The following CACNA1F variants were observed in gnomAD, a reference collection of about 807,000 sequenced individuals.
CACNA1F encodes voltage-dependent L-type calcium channel subunit alpha-1F.
CACNA1F carries 59 observed loss-of-function variants against 143.8 expected under a neutral mutation model. That is an observed-to-expected ratio of 0.41 (90% CI 0.33 to 0.51). CACNA1F has a LOEUF of 0.51. Ranked by LOEUF, CACNA1F falls within the 20% of genes least tolerant of loss-of-function variation. The pLI, the probability that CACNA1F is intolerant of heterozygous loss-of-function variation, is 0.22. For missense variants in CACNA1F, 1,411 were observed against 1,647.5 expected (o/e 0.86, Z 2.48); for synonymous variants, 643 against 649.1 (o/e 0.99, Z 0.14).
At chrX:49,205,474 GA>G in intron 47 of CACNA1F, 107 bp from the exon 48 acceptor site, 1 of 831,678 alleles carries the variant, frequency 1.2e-6, no homozygotes. Flanking sequence ...GTCAGTGGGG[GA>G]CAGGGGTGAG....
intron 14 of CACNA1F, among the ~76,000 whole-genome samples, chrX:49,223,503 G>A (rs1235618158): frequency 1.0e-5 from 1 of 99,654 alleles, no homozygotes; most frequent in African/African-American, 3.7e-5. Flanking sequence ...GGAGGCTGAG[G>A]CAGAAGAATG....
rs781971954 is a variant in CACNA1F, at chrX:49,213,868, G to A, written c.3743C>T (p.Ala1248Val). The A allele has an allele frequency of 4.2e-6, 5 of 1,203,936 alleles. No homozygotes were observed. The Admixed American group carries it at 1.1e-4, about 26-fold the overall frequency. Residue 1248 changes from alanine (A) to valine (V), a missense_variant, in exon 31 of 48, where the codon GCT becomes GTT. Around this residue, in one of 3 missense-constraint regions of CACNA1F, gnomAD observed 950 missense variants for 1,128.1 expected, o/e 0.84. Coordinates refer to ENST00000323022, the MANE Select transcript of CACNA1F (RefSeq NM_001256789.3). The stretch of plus-strand genomic sequence containing the variant: ...CACTATGCTGCCCACCACAATAAGA[G>A]CGTCAAACGTGTTCCAGGCATCAGT... ...YFTDAWNTFD[A>V]LIVVGSIVDI...
At chrX:49,208,948 C>T (rs1264419593) in intron 42 of CACNA1F, 1 of 420,155 alleles carries the variant, frequency 2.4e-6, no homozygotes, top group Non-Finnish European at 4.1e-6. Context: ...GCCTCAGCCT[C>T]CCAAGTAGCT....
intron 37 of CACNA1F, 32 bp downstream of exon 37, chrX:49,210,933 C>G (rs782114165): frequency 8.4e-7 from 1 of 1,194,154 alleles, no homozygotes; most frequent in South Asian, 1.8e-5. Flanking sequence ...ACATTGTCCC[C>G]TGGATTCTAG....
At chrX:49,212,572 T>A in intron 33 of CACNA1F, 95 bp downstream of exon 33, 1 of 921,255 alleles carries the variant, frequency 1.1e-6, no homozygotes, top group Non-Finnish European at 1.5e-6. Flanking sequence ...GGGTATGGCA[T>A]GTTGGGAGAT....
chrX:49,227,214 C>T, intron 8 of CACNA1F, 87 bp from the exon 9 acceptor site: 1 of 745,208 alleles, frequency 1.3e-6, no homozygotes, highest in Non-Finnish European at 2.0e-6. Context: ...CTCCTAGCTA[C>T]TCTTTGAATA....
At chrX:49,210,769 C>A (rs2065649909) in intron 37 of CACNA1F, 83 bp from the exon 38 acceptor site, 1 of 899,973 alleles carries the variant, frequency 1.1e-6, no homozygotes, top group Non-Finnish European at 1.6e-6. Flanking sequence ...ATCACTACCT[C>A]CTCCTACCAA....
Position 49,227,147 on chromosome X carries a change from G to A in CACNA1F, c.1119-20C>T. ...AACTCCCTGAGGGAGGAGGATAGAGGGCTAGGGGGAGGAGCCAATCTGAAC... is the reference window on the plus strand; with the variant it reads ...AACTCCCTGAGGGAGGAGGATAGAGAGCTAGGGGGAGGAGCCAATCTGAAC... On this transcript the variant is annotated intron_variant, in intron 8 of 47. Coordinates refer to ENST00000323022, the MANE Select transcript of CACNA1F (RefSeq NM_001256789.3). The A allele has an allele frequency of 8.7e-7, 1 of 1,147,612 alleles. No individual in the cohort carries two copies. Among genetic ancestry groups the A allele is most frequent in the Non-Finnish European group, 1.2e-6 (1 of 854,263 alleles). 94.6% of individuals were successfully genotyped at this position (1,147,612 alleles called of 1,213,427 possible). A position where few individuals can be genotyped will look rare whatever the true frequency, so the allele number is the denominator to read the frequency against.
rs367617777 is a variant in CACNA1F, at chrX:49,226,688, C to T, written c.1291G>A (p.Glu431Lys). 1.8e-5 allele frequency: 21 copies of T among 1,176,881 alleles called. No homozygotes were observed. The highest frequency in any genetic ancestry group is 1.7e-4 in the Admixed American group (7 of 40,738). Residue 431 changes from glutamate to lysine, a missense_variant, in exon 10 of 48, where the codon GAG becomes AAG. Physicochemically the swap from Glu to Lys is moderately conservative, Grantham distance 56. Coordinates refer to ENST00000323022, the MANE Select transcript of CACNA1F (RefSeq NM_001256789.3). ...CGTCCACGCCTCCTATTGGTCAGCT[C>T]GGCCAGCTGTGGCCCTGCAGGGAGA... is the stretch of plus-strand genomic sequence containing the variant. ...ADDNLGPQLA[E>K]LTNRRRGRLR...
Position 49,209,336 on chromosome X carries a change from C to T in CACNA1F, c.4879G>A (p.Asp1627Asn). ...CCCTCTTCTTCCTCCTCCTCTGTGT[C>T]ACAGGTGAGGGCCTGCCGCATCTCA... ...GPEMRQALTCDTEEEEEEGQE... is the reference protein window; with the variant it reads ...GPEMRQALTCNTEEEEEEGQE... The change falls in exon 42 of 48, where the codon GAC (aspartate) becomes AAC (asparagine). Residue 1627 changes from aspartate (D) to asparagine (N), a missense_variant. Around this residue, in one of 3 missense-constraint regions of CACNA1F, gnomAD observed 349 missense variants for 350.2 expected, o/e 1.00. Transcript: ENST00000323022. The T allele has an allele frequency of 5.0e-6, 6 of 1,208,127 alleles. No homozygotes were observed. In the South Asian group the frequency reaches 1.1e-4, roughly 21 times the overall value.
rs781914236 is a variant in CACNA1F, at chrX:49,210,298, C to A, written c.4588+3G>T. ...CGATCCCACTCCTGCCCCTCCCCTA[C>A]ACCTTCTGTTTTGATCTTCAGGGAT... On this transcript the variant is annotated splice_donor_region_variant and intron_variant, in intron 39 of 47. Transcript: ENST00000323022. The A allele has an allele frequency of 2.5e-6, 3 of 1,182,113 alleles. No homozygotes were observed. The Admixed American group carries it at 6.5e-5, about 26-fold the overall frequency.
intron 19 of CACNA1F, among the ~76,000 whole-genome samples, chrX:49,220,191 C>A (rs781795017): frequency 1.6e-4 from 18 of 112,017 alleles, no homozygotes; most frequent in Non-Finnish European, 3.4e-4. Flanking sequence ...AATCCTCCTA[C>A]CTTAGCCTCC....
At position 49,217,747 on chromosome X, in the gene CACNA1F, G is replaced by C; in HGVS notation, c.3089+8C>G. ...AGCTCCGTGGACGGCAGGGTCTTGGGCACTCACTTGCATTCTTGAGGGGTG... is the reference window on the plus strand; with the variant it reads ...AGCTCCGTGGACGGCAGGGTCTTGGCCACTCACTTGCATTCTTGAGGGGTG... On this transcript the variant is annotated splice_region_variant and intron_variant, in intron 26 of 47. Transcript: ENST00000323022. 1 of 1,204,278 alleles carries C rather than the reference G, an allele frequency of 8.3e-7. No homozygotes were observed. The highest frequency in any genetic ancestry group is 1.7e-5 in the African/African-American group (1 of 57,357).
chrX:49,226,341 C>T, intron 11 of CACNA1F, 68 bp downstream of exon 11: 1 of 1,138,925 alleles, frequency 8.8e-7, no homozygotes, highest in African/African-American at 1.8e-5. Flanking sequence ...AGGCTTGAGG[C>T]TAAAGAAAGG....
At chrX:49,214,341 G>C (rs1602633316) in intron 29 of CACNA1F, 72 bp from the exon 30 acceptor site, 1 of 652,778 alleles carries the variant, frequency 1.5e-6, no homozygotes, top group East Asian at 3.2e-5. Context: ...ATATTCCCTG[G>C]CCTGGGCTGA....
chrX:49,218,341 C>T (rs782334987), intron 24 of CACNA1F, 114 bp downstream of exon 24: 4 of 569,431 alleles, frequency 7.0e-6, no homozygotes, highest in African/African-American at 6.9e-5. Context: ...ATTTATGTGT[C>T]AGGTCCAGGC....
intron 14 of CACNA1F, among the ~76,000 whole-genome samples, chrX:49,223,618 A>AAAAAAAG (rs1399389646): frequency 3.0e-4 from 30 of 100,571 alleles, no homozygotes; most frequent in African/African-American, 1.1e-3. Flanking sequence ...AAAAAAAAAA[A>AAAAAAAG]AAGAAGAAGA....
In CACNA1F at chrX:49,230,970, A is replaced by G; in HGVS notation, c.401T>C (p.Phe134Ser). ...NHNLEQVEYV[F>S]LVIFTVETVL... ...CGTCTCCACAGTGAAAATCACCAGG[A>G]ATACGTACTCCACCTGCTCCTGGGG... Residue 134 changes from phenylalanine (F) to serine (S), a missense_variant, in exon 4 of 48, where the codon TTC (phenylalanine) becomes TCC (serine). Physicochemically the swap from Phe to Ser is radical, Grantham distance 155. Transcript: ENST00000323022. 8.3e-7 allele frequency: 1 copy of G among 1,200,011 alleles called. No individual in the cohort carries two copies. The highest frequency in any genetic ancestry group is 1.1e-6 in the Non-Finnish European group (1 of 887,745).
intron 25 of CACNA1F, 44 bp downstream of exon 25, chrX:49,217,854 C>T (rs1161345566): frequency 4.2e-6 from 5 of 1,188,571 alleles, no homozygotes; most frequent in Non-Finnish European, 4.6e-6. Flanking sequence ...CATCACACTC[C>T]CGCCCAGACC....
Sources: gnomAD v4.1 joint callset for allele counts (sites outside exome capture counted in the v4.1 genomes callset) on GRCh38, gnomAD v4.1.1 for gene constraint, gnomAD v4.1.1 regional missense constraint, MANE v1.5 for transcripts, NCBI Gene and HGNC (gene_info 2026-07-23, HGNC 2026-07-21) for gene names.